Variants in GNB4 observed in about 807,000 individuals in gnomAD.
GNB4 encodes G protein subunit beta 4.
In GNB4, 28 loss-of-function variants were observed where a neutral mutation model predicts 45.2. That is an observed-to-expected ratio of 0.62 (90% CI 0.46 to 0.85). The LOEUF (loss-of-function observed/expected upper bound fraction) is 0.85, where lower values mean the gene tolerates loss of function less well. Ranked by LOEUF, GNB4 falls within the 40% of genes least tolerant of loss-of-function variation. The pLI, the probability that GNB4 is intolerant of heterozygous loss-of-function variation, is 0.00. For synonymous variants in GNB4, 132 were observed against 143.7 expected, an observed-to-expected ratio of 0.92 and a Z score of 0.58; for missense variants, 321 against 425.4, an observed-to-expected ratio of 0.75 and a Z score of 2.16.
At chr3:179,488,028 G>A in the GNB4 span, among the ~76,000 whole-genome samples, 1 of 149,310 alleles carries the variant, frequency 6.7e-6, no homozygotes, top group Non-Finnish European at 1.5e-5. Flanking sequence ...TCCAACCTGG[G>A]CAACAGAGTA....
At chr3:179,409,937 G>A (rs139357094) in intron 8 of GNB4, among the ~76,000 whole-genome samples, 12 of 152,160 alleles carry the variant, frequency 7.9e-5, no homozygotes, top group Middle Eastern at 3.4e-3. Context: ...AAATCCCCAC[G>A]TGTTGTGAGG....
chr3:179,435,793 A>G (rs1468943070), intron 1 of GNB4, among the ~76,000 whole-genome samples: 2 of 152,232 alleles, frequency 1.3e-5, no homozygotes, highest in Non-Finnish European at 2.9e-5. Flanking sequence ...TTAAGAGTTC[A>G]GCTGTACCAG....
chr3:179,407,512 T>C (rs1452227393), intron 8 of GNB4, among the ~76,000 whole-genome samples: 1 of 152,120 alleles, frequency 6.6e-6, no homozygotes, highest in Non-Finnish European at 1.5e-5. Context: ...TCCATCTTAC[T>C]ACCTTACTAC....
At chr3:179,485,631 T>C in the GNB4 span, among the ~76,000 whole-genome samples, 2 of 152,172 alleles carry the variant, frequency 1.3e-5, no homozygotes, top group Non-Finnish European at 2.9e-5. Flanking sequence ...CGAATTGCAC[T>C]GTCTTGCAAT....
At chr3:179,416,344 A>G (rs903769530) in intron 5 of GNB4, 149 bp downstream of exon 5, 5 of 574,376 alleles carry the variant, frequency 8.7e-6, no homozygotes, top group Non-Finnish European at 1.2e-5. Context: ...AAAAGTAAAC[A>G]CTAAGACAAA....
At chr3:179,518,509 C>T in the GNB4 span, among the ~76,000 whole-genome samples, 1 of 152,112 alleles carries the variant, frequency 6.6e-6, no homozygotes, top group East Asian at 1.9e-4. Flanking sequence ...CTCCCCTCCT[C>T]CCCAGGCTGC....
the GNB4 span, among the ~76,000 whole-genome samples, chr3:179,475,210 C>T: frequency 5.5e-4 from 84 of 151,994 alleles, no homozygotes; most frequent in South Asian, 1.7e-3. Context: ...CTCCACCTCC[C>T]GGGTTCAAGC....
At chr3:179,437,540 T>C (rs1436681507) in intron 1 of GNB4, among the ~76,000 whole-genome samples, 1 of 151,038 alleles carries the variant, frequency 6.6e-6, no homozygotes, top group African/African-American at 2.4e-5. Context: ...CACTCCTGAC[T>C]GGCAAAAGAG....
the GNB4 span, among the ~76,000 whole-genome samples, chr3:179,485,443 A>C: frequency 1.3e-5 from 2 of 152,206 alleles, no homozygotes; most frequent in Admixed American, 1.3e-4. Context: ...ACTGTATGTC[A>C]ACCCAGTATT....
chr3:179,509,667 T>TC, the GNB4 span, among the ~76,000 whole-genome samples: 2 of 151,718 alleles, frequency 1.3e-5, no homozygotes, highest in Non-Finnish European at 2.9e-5. Flanking sequence ...TTTTTTTTTT[T>TC]TCTGGCCACC....
chr3:179,494,595 G>GAAAGAAGGAAGGAAGA, the GNB4 span, among the ~76,000 whole-genome samples: 10 of 151,702 alleles, frequency 6.6e-5, no homozygotes, highest in Admixed American at 6.6e-5. Flanking sequence ...GGGAAGGAAG[G>GAAAGAAGGAAGGAAGA]AAAGAAGGAA....
chr3:179,470,199 T>C, the GNB4 span, among the ~76,000 whole-genome samples: 1 of 152,364 alleles, frequency 6.6e-6, no homozygotes, highest in Admixed American at 6.5e-5. Flanking sequence ...TTTTTATTGT[T>C]ATTTTAGAGT....
chr3:179,471,740 T>C, the GNB4 span, among the ~76,000 whole-genome samples: 29 of 152,236 alleles, frequency 1.9e-4, no homozygotes, highest in Non-Finnish European at 4.1e-4. Flanking sequence ...AGGTGAGTAG[T>C]ATTCCTCTCA....
chr3:179,508,932 G>GTGTATATATATATATATA, the GNB4 span, among the ~76,000 whole-genome samples: 13 of 102,138 alleles, frequency 1.3e-4, no homozygotes, highest in South Asian at 1.7e-3. Context: ...TTCAGCATGT[G>GTGTATATATATATATATA]TATATATATA....
the GNB4 span, among the ~76,000 whole-genome samples, chr3:179,506,746 C>T: frequency 3.9e-5 from 6 of 152,096 alleles, no homozygotes; most frequent in Admixed American, 6.5e-5. Flanking sequence ...TAGTTCCATA[C>T]TCTCATCCTC....
Position 179,451,358 on chromosome 3 carries a change from C to T in GNB4, c.-55G>A, listed in dbSNP as rs1715868696. ...GCTCGCCGCCTACCTGGAGGGAGCT[C>T]AGGCCCGCGTCGACCGCGCGCTGCC... On this transcript the variant is annotated 5_prime_UTR_variant, in exon 1 of 10. Transcript: ENST00000232564. 6.6e-6 allele frequency: 1 copy of T among 151,300 alleles called. No homozygotes were observed. The highest frequency in any genetic ancestry group is 2.4e-5 in the African/African-American group (1 of 41,350). 9.4% of individuals were successfully genotyped at this position (151,300 alleles called of 1,614,324 possible).
At chr3:179,442,253 A>G (rs905543699) in intron 1 of GNB4, among the ~76,000 whole-genome samples, 1 of 152,192 alleles carries the variant, frequency 6.6e-6, no homozygotes, top group African/African-American at 2.4e-5. Flanking sequence ...TTTCTCTTAA[A>G]TTTTACACAA....
the GNB4 span, among the ~76,000 whole-genome samples, chr3:179,458,253 AC>A: frequency 6.6e-6 from 1 of 152,134 alleles, no homozygotes; most frequent in Admixed American, 6.5e-5. Flanking sequence ...TTGCTCTACC[AC>A]TTCACCATCC....
chr3:179,423,135 A>G (rs555650322), intron 2 of GNB4, among the ~76,000 whole-genome samples: 176 of 152,290 alleles, frequency 1.2e-3, no homozygotes, highest in African/African-American at 4.0e-3. Flanking sequence ...TAAGAAAAGT[A>G]CATAGTATTT....
Sources: gnomAD v4.1 joint callset for allele counts (sites outside exome capture counted in the v4.1 genomes callset) on GRCh38, gnomAD v4.1.1 for gene constraint, MANE v1.5 for transcripts, NCBI Gene and HGNC (gene_info 2026-07-23, HGNC 2026-07-21) for gene names.